The following PCDHGB2 variants were observed in gnomAD, a reference collection of about 807,000 sequenced individuals.
PCDHGB2 encodes the protein protocadherin gamma subfamily B, 2.
In PCDHGB2, 55 loss-of-function variants were observed where a neutral mutation model predicts 59.3. That is an observed-to-expected ratio of 0.93 (90% CI 0.75 to 1.16). PCDHGB2 has a LOEUF of 1.16. PCDHGB2 is among the 50% of genes most tolerant of loss of function. The pLI, the probability that PCDHGB2 is intolerant of heterozygous loss-of-function variation, is 0.00. For missense variants in PCDHGB2, 1,228 were observed against 1,198.5 expected (o/e 1.02, Z -0.36); for synonymous variants, 516 against 512.0 (o/e 1.01, Z -0.11).
At chr5:141,409,358 A>G (rs757614552) in intron 1 of PCDHGB2, 2 of 1,613,900 alleles carry the variant, frequency 1.2e-6, no homozygotes, top group Non-Finnish European at 8.5e-7. Flanking sequence ...CAGGTGTAAT[A>G]TAGAAACAGA....
At chr5:141,499,689 C>CTTT (rs545067566) in intron 2 of PCDHGB2, among the ~76,000 whole-genome samples, 57 of 119,830 alleles carry the variant, frequency 4.8e-4, no homozygotes, top group Non-Finnish European at 6.2e-4. Context: ...TAACAGATGA[C>CTTT]TTTTTTTTTT....
At chr5:141,510,155 C>G (rs1044168112) in intron 3 of PCDHGB2, among the ~76,000 whole-genome samples, 2 of 151,942 alleles carry the variant, frequency 1.3e-5, no homozygotes, top group African/African-American at 4.8e-5. Context: ...CACCTGTAAT[C>G]TCAGCTACTC....
chr5:141,467,371 A>G, intron 1 of PCDHGB2, among the ~76,000 whole-genome samples: 1 of 151,906 alleles, frequency 6.6e-6, no homozygotes, highest in Non-Finnish European at 1.5e-5. Context: ...GTTTTCTTAT[A>G]TTGCATTTAG....
chr5:141,489,229 G>C lies in PCDHGB2; in HGVS notation c.2422-5578G>C. The C allele has an allele frequency of 6.6e-7, 1 of 1,522,252 alleles. No homozygotes were observed. Among genetic ancestry groups the C allele is most frequent in the Non-Finnish European group, 8.8e-7 (1 of 1,133,810 alleles). The allele number at this position is 1,522,252 out of a possible 1,614,324, so 94.3% of individuals were successfully genotyped here. On this transcript the variant is annotated intron_variant, in intron 1 of 3. Coordinates refer to ENST00000522605, the MANE Select transcript of PCDHGB2 (RefSeq NM_018923.3). This position sits in a 1 kb window ranked among gnomAD's most constrained non-coding sequence, Gnocchi z 4.5. ...AGCACAGACTTACTCTCCACAAAGG[G>C]ACTTCTGGGTCATGGGGCCCAAGAC...
At chr5:141,376,251 G>T in intron 1 of PCDHGB2, 1 of 1,614,228 alleles carries the variant, frequency 6.2e-7, no homozygotes, top group Non-Finnish European at 8.5e-7. Context: ...CACAAGTCAC[G>T]CCTGCTGCAG....
rs1338955892 is a variant in PCDHGB2, at chr5:141,502,521, T to C, written c.2481-2872T>C. 5.9e-5 allele frequency among the ~76,000 whole-genome samples: 9 copies of C among 152,338 alleles called. No homozygotes were observed. In the East Asian group the frequency reaches 1.7e-3, roughly 29 times the overall value. The stretch of plus-strand genomic sequence containing the variant: ...CGTCGGCCTGTCCCACTATCAGTGA[T>C]GCCGAGTTTGTTCGTGTGGTAAAAA... On this transcript the variant is annotated intron_variant, in intron 2 of 3. Transcript: ENST00000522605.
chr5:141,482,135 G>T (rs987110875), intron 1 of PCDHGB2, among the ~76,000 whole-genome samples: 1 of 151,836 alleles, frequency 6.6e-6, no homozygotes, highest in African/African-American at 2.4e-5. Context: ...CATATGGCTG[G>T]CATAAAAAGG....
intron 3 of PCDHGB2, among the ~76,000 whole-genome samples, chr5:141,506,190 C>T (rs1313145580): frequency 6.6e-6 from 1 of 152,180 alleles, no homozygotes; most frequent in Non-Finnish European, 1.5e-5. Flanking sequence ...GTGGCTCACG[C>T]CTGTAATCCC....
rs1008664105 is a variant in PCDHGB2, at chr5:141,432,402, T to C, written c.2422-62405T>C. 6.2e-7 allele frequency: 1 copy of C among 1,614,194 alleles called. No homozygotes were observed. The highest frequency in any genetic ancestry group is 1.1e-5 in the South Asian group (1 of 91,082). On this transcript the variant is annotated intron_variant, in intron 1 of 3. Transcript: ENST00000522605. The surrounding 1 kb of genome is among the most constrained non-coding windows in gnomAD (Gnocchi z 6.0). ...CCGCCCCTCAGCAGCAACGTGTCGT[T>C]GAGCCTGTTCGTGCTGGACCAGAAC...
rs751318430 is a variant in PCDHGB2 at position 141,485,603 on chromosome 5, G to A, written c.2422-9204G>A. 1 of 1,612,482 alleles carries A rather than the reference G, an allele frequency of 6.2e-7. No homozygotes were observed. The stretch of plus-strand genomic sequence containing the variant: ...GCAGCAGCTGGACTTGGAAATTGGG[G>A]AGGCAGCTCCTCCAGGACAGCGTTT... On this transcript the variant is annotated intron_variant, in intron 1 of 3. Coordinates refer to ENST00000522605, the MANE Select transcript of PCDHGB2 (RefSeq NM_018923.3). This position sits in a 1 kb window ranked among gnomAD's most constrained non-coding sequence, Gnocchi z 5.7.
Position 141,486,617 on chromosome 5 carries a change from C to G in PCDHGB2, c.2422-8190C>G. ...GCTTTGCTCCCTTGCAGCCTCTGAC[C>G]CAGACTCTGGCTTGAATGCGCTTAT... On this transcript the variant is annotated intron_variant, in intron 1 of 3. Transcript: ENST00000522605. This position sits in a 1 kb window ranked among gnomAD's most constrained non-coding sequence, Gnocchi z 5.0. 1 of 1,613,602 alleles carries G rather than the reference C, an allele frequency of 6.2e-7. No homozygotes were observed. Among genetic ancestry groups the G allele is most frequent in the South Asian group, 1.1e-5 (1 of 91,086 alleles).
intron 1 of PCDHGB2, among the ~76,000 whole-genome samples, chr5:141,462,442 A>C (rs890167032): frequency 1.3e-5 from 2 of 152,150 alleles, no homozygotes; most frequent in African/African-American, 4.8e-5. Context: ...GCTTACACAC[A>C]ACTGTGTAAC....
Position 141,476,745 on chromosome 5 carries a change from T to C in PCDHGB2, c.2422-18062T>C, listed in dbSNP as rs1372622323. 6.2e-7 allele frequency: 1 copy of C among 1,613,958 alleles called. No individual in the cohort carries two copies. On this transcript the variant is annotated intron_variant, in intron 1 of 3. Coordinates refer to ENST00000522605, the MANE Select transcript of PCDHGB2 (RefSeq NM_018923.3). This position sits in a 1 kb window ranked among gnomAD's most constrained non-coding sequence, Gnocchi z 7.6. The stretch of plus-strand genomic sequence containing the variant: ...CTGGACCGAGAACGGGAGCCTAGTC[T>C]CCAGTTAGTGCTGACGGCGTTGGAC...
At chr5:141,374,059 C>T in intron 1 of PCDHGB2, 1 of 1,489,738 alleles carries the variant, frequency 6.7e-7, no homozygotes, top group Non-Finnish European at 8.9e-7. Flanking sequence ...TTCTTAATCC[C>T]AGAGAAGTTC....
intron 1 of PCDHGB2, among the ~76,000 whole-genome samples, chr5:141,480,408 C>A (rs371569489): frequency 7.2e-6 from 1 of 138,932 alleles, no homozygotes; most frequent in African/African-American, 2.9e-5. Flanking sequence ...GAGTGAGACC[C>A]TGTCTCAAAA....
At chr5:141,404,436 C>A in intron 1 of PCDHGB2, 1 of 1,612,704 alleles carries the variant, frequency 6.2e-7, no homozygotes, top group Non-Finnish European at 8.5e-7. Flanking sequence ...GCAGAGGATA[C>A]CATCCAAGGG....
At chr5:141,389,790 G>A (rs1328126483) in intron 1 of PCDHGB2, 4 of 1,613,352 alleles carry the variant, frequency 2.5e-6, no homozygotes, top group Non-Finnish European at 3.4e-6. Flanking sequence ...CAGGGACGCC[G>A]TCCGCCAGCG....
At chr5:141,463,784 T>G (rs2099069378) in intron 1 of PCDHGB2, among the ~76,000 whole-genome samples, 1 of 152,194 alleles carries the variant, frequency 6.6e-6, no homozygotes, top group South Asian at 2.1e-4. Context: ...CTGCACTGTC[T>G]TTTGAACAAA....
intron 1 of PCDHGB2, chr5:141,418,387 G>T: frequency 1.9e-6 from 3 of 1,614,002 alleles, no homozygotes; most frequent in Non-Finnish European, 2.5e-6. Flanking sequence ...GTCCTAACGA[G>T]TATTTCTCAT....
Sources: gnomAD v4.1 joint callset for allele counts (sites outside exome capture counted in the v4.1 genomes callset) on GRCh38, gnomAD v4.1.1 for gene constraint, Gnocchi (gnomAD v3.1) non-coding constraint, MANE v1.5 for transcripts, NCBI Gene and HGNC (gene_info 2026-07-23, HGNC 2026-07-21) for gene names.